The following ZBTB20 variants were observed in gnomAD, a reference collection of about 807,000 sequenced individuals.
ZBTB20 encodes zinc finger and BTB domain containing 20.
Under a neutral mutation model 56.9 loss-of-function variants are expected in ZBTB20, and 9 were observed. The ratio of observed to expected loss-of-function variants is 0.16; its 90% CI spans 0.10 to 0.28. The LOEUF (loss-of-function observed/expected upper bound fraction) is 0.28, where lower values mean the gene tolerates loss of function less well. ZBTB20 is among the 10% of genes least tolerant of loss of function. The pLI is 1.00. For missense variants in ZBTB20, 655 were observed against 1,003.0 expected (o/e 0.65, Z 4.69); for synonymous variants, 417 against 420.7 (o/e 0.99, Z 0.11).
chr3:115,049,756 C>T (rs1355850121), intron 2 of ZBTB20, among the ~76,000 whole-genome samples: 6 of 152,044 alleles, frequency 3.9e-5, no homozygotes, highest in African/African-American at 1.4e-4. Flanking sequence ...GCCACACTTC[C>T]AATTACTTTC....
intron 2 of ZBTB20, among the ~76,000 whole-genome samples, chr3:114,995,332 A>T (rs1020073897): frequency 1.3e-5 from 2 of 151,896 alleles, no homozygotes; most frequent in East Asian, 3.9e-4. Flanking sequence ...ATACTTTTGA[A>T]ATAGTTCATA....
chr3:114,411,242 GC>G (rs1191108938), intron 7 of ZBTB20, among the ~76,000 whole-genome samples: 3 of 152,152 alleles, frequency 2.0e-5, no homozygotes, highest in Non-Finnish European at 4.4e-5. Context: ...CAGAGCTCTG[GC>G]AGGGTCATCA....
At chr3:114,591,543 C>G (rs1327661471) in intron 6 of ZBTB20, among the ~76,000 whole-genome samples, 1 of 152,122 alleles carries the variant, frequency 6.6e-6, no homozygotes, top group Non-Finnish European at 1.5e-5. Flanking sequence ...AGAAGACAAT[C>G]CCACACAAAA....
chr3:114,421,830 G>A (rs897318454), intron 7 of ZBTB20, among the ~76,000 whole-genome samples: 5 of 147,612 alleles, frequency 3.4e-5, no homozygotes, highest in Admixed American at 6.8e-5. Context: ...TTAACTCTGC[G>A]TGGGTGGTGA....
chr3:114,854,174 C>T (rs1364148478), intron 4 of ZBTB20, among the ~76,000 whole-genome samples: 1 of 152,170 alleles, frequency 6.6e-6, no homozygotes, highest in Non-Finnish European at 1.5e-5. Flanking sequence ...AATAGCAATA[C>T]TTCCTTTCTT....
intron 2 of ZBTB20, among the ~76,000 whole-genome samples, chr3:115,068,281 C>T (rs553223197): frequency 1.3e-5 from 2 of 151,812 alleles, no homozygotes; most frequent in South Asian, 4.2e-4. Context: ...TTACTGTTGT[C>T]TTCATGTAAA....
At position 114,976,621 on chromosome 3, in the gene ZBTB20, C is replaced by T. The variant is rs369955519; in HGVS notation, c.-506-2205G>A. 4.7e-5 allele frequency among the ~76,000 whole-genome samples: 7 copies of T among 147,904 alleles called. No individual in the cohort carries two copies. The East Asian group carries it at 7.8e-4, about 17-fold the overall frequency. ...AGCCTGGGTGATAAGAGCAAAACTC[C>T]GCCTCAAAAAAAAAAAAAAATCTGA... On this transcript the variant is annotated intron_variant, in intron 2 of 11. Transcript: ENST00000675478.
chr3:114,784,385 A>T (rs868432208), intron 5 of ZBTB20, among the ~76,000 whole-genome samples: 12 of 152,362 alleles, frequency 7.9e-5, no homozygotes, highest in Admixed American at 3.3e-4. Flanking sequence ...AAAAGAGTGA[A>T]CAGAAATATA....
intron 4 of ZBTB20, among the ~76,000 whole-genome samples, chr3:114,888,421 A>T (rs2076686994): frequency 6.6e-6 from 1 of 152,180 alleles, no homozygotes; most frequent in Admixed American, 6.5e-5. Flanking sequence ...TATATTTTTA[A>T]AAATCCAAGT....
At chr3:114,472,657 G>A (rs905027546) in intron 7 of ZBTB20, among the ~76,000 whole-genome samples, 1 of 151,806 alleles carries the variant, frequency 6.6e-6, no homozygotes, top group African/African-American at 2.4e-5. Context: ...GCAGTGAGCC[G>A]AGATTGTGCC....
At chr3:114,838,943 A>G (rs973537871) in intron 4 of ZBTB20, among the ~76,000 whole-genome samples, 3 of 152,150 alleles carry the variant, frequency 2.0e-5, no homozygotes, top group African/African-American at 7.2e-5. Flanking sequence ...ACATTTAAAG[A>G]AGCCATTCCA....
At chr3:114,484,933 A>T (rs556644896) in intron 7 of ZBTB20, among the ~76,000 whole-genome samples, 1 of 152,184 alleles carries the variant, frequency 6.6e-6, no homozygotes, top group Non-Finnish European at 1.5e-5. Context: ...ATCCCCATAT[A>T]ATAATATAAT....
At chr3:114,653,274 A>G (rs1259947476) in intron 6 of ZBTB20, among the ~76,000 whole-genome samples, 1 of 151,934 alleles carries the variant, frequency 6.6e-6, no homozygotes, top group East Asian at 1.9e-4. Flanking sequence ...ATATGTTTTC[A>G]TAGAGGCCCT....
At chr3:114,929,894 C>A (rs747997726) in intron 3 of ZBTB20, among the ~76,000 whole-genome samples, 12 of 152,128 alleles carry the variant, frequency 7.9e-5, no homozygotes, top group Non-Finnish European at 1.2e-4. Context: ...GTTTAATTTA[C>A]GATTCACAAA....
chr3:114,548,157 A>G (rs2050125978), intron 6 of ZBTB20, among the ~76,000 whole-genome samples: 2 of 152,246 alleles, frequency 1.3e-5, no homozygotes, highest in Admixed American at 6.5e-5. Flanking sequence ...CCTCACTCAG[A>G]TTAGCCTTAT....
intron 6 of ZBTB20, among the ~76,000 whole-genome samples, chr3:114,630,989 T>C (rs547471673): frequency 7.9e-5 from 12 of 152,134 alleles, no homozygotes; most frequent in Non-Finnish European, 1.6e-4. Context: ...GCAAATACTG[T>C]CAGAATTAAG....
At chr3:115,102,348 C>A (rs1005776523) in intron 1 of ZBTB20, among the ~76,000 whole-genome samples, 6 of 152,104 alleles carry the variant, frequency 3.9e-5, no homozygotes, top group Non-Finnish European at 8.8e-5. Context: ...ATCTCCTCCT[C>A]ACTATTTGGC....
At chr3:114,799,970 T>C (rs2071599287) in intron 5 of ZBTB20, among the ~76,000 whole-genome samples, 1 of 151,756 alleles carries the variant, frequency 6.6e-6, no homozygotes, top group Non-Finnish European at 1.5e-5. Context: ...ACAGTGAAAA[T>C]GGAAGCAATT....
intron 10 of ZBTB20, among the ~76,000 whole-genome samples, chr3:114,375,340 AC>A (rs2083486824): frequency 6.6e-6 from 1 of 152,246 alleles, no homozygotes; most frequent in African/African-American, 2.4e-5. Flanking sequence ...ATTTTGAAAC[AC>A]TGCCTTCTCT....
Sources: gnomAD v4.1 joint callset for allele counts (sites outside exome capture counted in the v4.1 genomes callset) on GRCh38, gnomAD v4.1.1 for gene constraint, MANE v1.5 for transcripts, NCBI Gene and HGNC (gene_info 2026-07-23, HGNC 2026-07-21) for gene names.